CORO7: variants seen among roughly 807,000 people sequenced by gnomAD.
CORO7 encodes coronin-7.
CORO7 carries 107 observed loss-of-function variants against 126.6 expected under a neutral mutation model. The ratio of observed to expected loss-of-function variants is 0.85; its 90% CI spans 0.72 to 0.99. The LOEUF (loss-of-function observed/expected upper bound fraction) is 0.99, where lower values mean the gene tolerates loss of function less well. Ranked by LOEUF, CORO7 falls within the 50% of genes least tolerant of loss-of-function variation. CORO7 has a pLI of 0.00. For missense variants in CORO7, 1,314 were observed against 1,255.8 expected (o/e 1.05, Z -0.70); for synonymous variants, 603 against 536.8 (o/e 1.12, Z -1.70).
intron 9 of CORO7, among the ~76,000 whole-genome samples, chr16:4,378,208 G>A (rs747562739): frequency 1.8e-4 from 27 of 152,176 alleles, no homozygotes; most frequent in Non-Finnish European, 2.8e-4. Context: ...TGAAGAAACC[G>A]AGGTGTGAGA....
chr16:4,397,207 G>C (rs2055627218), intron 6 of CORO7: 1 of 151,924 alleles, frequency 6.6e-6, no homozygotes, highest in African/African-American at 2.4e-5. Context: ...ACTCAGGGAG[G>C]CTGAAGCGGC....
chr16:4,390,655 G>A (rs1242884661), intron 7 of CORO7, among the ~76,000 whole-genome samples: 3 of 152,188 alleles, frequency 2.0e-5, no homozygotes, highest in African/African-American at 7.2e-5. Context: ...TCACCTAGGG[G>A]CACAGGCTAA....
chr16:4,359,051 C>T (rs1477688064), intron 23 of CORO7: 4 of 557,736 alleles, frequency 7.2e-6, no homozygotes. Context: ...TGTTGGGATT[C>T]CAGGCCACCG....
chr16:4,371,025 C>T (rs945034855), intron 9 of CORO7, among the ~76,000 whole-genome samples: 6 of 152,166 alleles, frequency 3.9e-5, no homozygotes, highest in East Asian at 1.9e-4. Context: ...TGGACTAGTC[C>T]GGCCCCTGGC....
Position 4,359,287 on chromosome 16 carries a change from T to G in CORO7, c.2340+9A>C. On this transcript the variant is annotated intron_variant, in intron 23 of 27. Coordinates refer to ENST00000251166, the MANE Select transcript of CORO7 (RefSeq NM_024535.5). ...TCCCATCGGGGACGAGGCGCCAGGG[T>G]GGCCTCACCTTGTGGGGGTCAGGCG... is the stretch of plus-strand genomic sequence containing the variant. 4.4e-6 allele frequency: 7 copies of G among 1,594,886 alleles called. No individual in the cohort carries two copies. The South Asian group carries it at 8.0e-5, about 18-fold the overall frequency.
At chr16:4,359,063 A>T (rs1185091396) in intron 23 of CORO7, 1 of 578,870 alleles carries the variant, frequency 1.7e-6, no homozygotes, top group African/African-American at 1.9e-5. Context: ...AGGCCACCGT[A>T]CCCGGCCTAC....
intron 9 of CORO7, among the ~76,000 whole-genome samples, chr16:4,367,383 A>C (rs899478313): frequency 1.6e-4 from 25 of 152,194 alleles, no homozygotes; most frequent in Non-Finnish European, 2.9e-4. Flanking sequence ...TCACTCATTC[A>C]TTCGTTCACA....
chr16:4,408,320 G>C, intron 3 of CORO7, 69 bp from the exon 4 acceptor site: 1 of 1,605,620 alleles, frequency 6.2e-7, no homozygotes. Flanking sequence ...CAAAGCCCAG[G>C]GCTTCCGAGG....
chr16:4,363,750 G>A (rs1000819037), intron 14 of CORO7, among the ~76,000 whole-genome samples: 4 of 151,424 alleles, frequency 2.6e-5, no homozygotes, highest in South Asian at 2.1e-4. Context: ...CAGGTGCAGT[G>A]GCTCATGATT....
At chr16:4,358,315 TC>T in intron 24 of CORO7, 51 bp downstream of exon 24, 4 of 1,595,802 alleles carry the variant, frequency 2.5e-6, no homozygotes, top group Non-Finnish European at 3.4e-6. Context: ...CAAACTCCCC[TC>T]TAGGCACCGA....
At chr16:4,413,530 CT>C in intron 1 of CORO7, 126 bp from the exon 2 acceptor site, 1 of 801,324 alleles carries the variant, frequency 1.2e-6, no homozygotes, top group Non-Finnish European at 1.9e-6. Flanking sequence ...GAGATGCATT[CT>C]TTTATTTACT....
At chr16:4,413,548 T>C (rs766616900) in intron 1 of CORO7, 144 bp from the exon 2 acceptor site, 1 of 753,942 alleles carries the variant, frequency 1.3e-6, no homozygotes, top group Non-Finnish European at 2.0e-6. Context: ...TACTTTTTTT[T>C]TCTTTTTGAG....
Position 4,357,193 on chromosome 16 carries a change from T to C in CORO7, c.2660A>G (p.Lys887Arg), listed in dbSNP as rs1189569631. 2 of 1,613,666 alleles carry C rather than the reference T, an allele frequency of 1.2e-6. No individual in the cohort carries two copies. Among genetic ancestry groups the C allele is most frequent in the South Asian group, 2.2e-5 (2 of 91,060 alleles). The change falls in exon 26 of 28, where the codon AAG (lysine) becomes AGG (arginine). Residue 887 changes from lysine to arginine, a missense_variant. Coordinates refer to ENST00000251166, the MANE Select transcript of CORO7 (RefSeq NM_024535.5). ...CTCCTCCTTCTTTTGCTGGTCAGAC[T>C]TTTCTTCCAGGTACTGCGCTGAGGA... ...APSSAQYLEE[K>R]SDQQKKEELL... is the part of the protein sequence containing the mutation.
rs769595679 is a variant in CORO7, at chr16:4,358,049, C to T, written c.2512G>A (p.Val838Met). The change falls in exon 25 of 28, where the codon GTG (valine) becomes ATG (methionine). Residue 838 changes from valine (V) to methionine (M), a missense_variant. Physicochemically the swap from Val to Met is conservative, Grantham distance 21. Transcript: ENST00000251166. ...TGCAGCCAGGCCTCGGCACTGAGCA[C>T]AGGCTCCCAGATCACAGCCGTGTCT... ...FPDTAVIWEP[V>M]LSAEAWLQGA... is the part of the protein sequence containing the mutation. The T allele has an allele frequency of 1.9e-6, 3 of 1,613,434 alleles. No individual in the cohort carries two copies. Among genetic ancestry groups the T allele is most frequent in the Non-Finnish European group, 2.5e-6 (3 of 1,179,720 alleles).
At chr16:4,398,559 G>A (rs1259865461) in intron 6 of CORO7, among the ~76,000 whole-genome samples, 4 of 151,960 alleles carry the variant, frequency 2.6e-5, no homozygotes, top group Non-Finnish European at 4.4e-5. Context: ...CCAGCTACTC[G>A]GGAGGCTGAG....
intron 1 of CORO7, 149 bp downstream of exon 1, chr16:4,416,310 G>C: frequency 1.7e-6 from 2 of 1,173,250 alleles, no homozygotes; most frequent in South Asian, 1.9e-5. Context: ...CCCGGACGCC[G>C]GGGCCCTGGC....
chr16:4,380,115 C>T (rs562488086), intron 9 of CORO7, among the ~76,000 whole-genome samples: 1 of 151,740 alleles, frequency 6.6e-6, no homozygotes, highest in Admixed American at 6.6e-5. Flanking sequence ...AGGCCTGGCA[C>T]TGCCCCTGGG....
Position 4,355,107 on chromosome 16 carries a change from G to A in CORO7, c.*51C>T, listed in dbSNP as rs1175092903. On this transcript the variant is annotated 3_prime_UTR_variant, in exon 28 of 28. Coordinates refer to ENST00000251166, the MANE Select transcript of CORO7 (RefSeq NM_024535.5). ...CCAGCTTGAGGATGAGCCGTGAGGT[G>A]TGCACTAGGAAGTGGCAGCACAGGT... is the stretch of plus-strand genomic sequence containing the variant. The A allele has an allele frequency of 1.1e-5, 16 of 1,471,668 alleles. No homozygotes were observed. Among genetic ancestry groups the A allele is most frequent in the Non-Finnish European group, 1.2e-5 (13 of 1,105,676 alleles). The allele number at this position is 1,471,668 out of a possible 1,614,324, so 91.2% of individuals were successfully genotyped here. A position where few individuals can be genotyped will look rare whatever the true frequency, so the allele number is the denominator to read the frequency against.
At chr16:4,366,317 C>A (rs1378872435) in intron 9 of CORO7, among the ~76,000 whole-genome samples, 1 of 152,156 alleles carries the variant, frequency 6.6e-6, no homozygotes, top group East Asian at 1.9e-4. Flanking sequence ...AGAGCCCCTG[C>A]CACTCTATGT....
Sources: allele counts gnomAD v4.1 joint callset (sites outside exome capture counted in the v4.1 genomes callset), GRCh38; gene constraint gnomAD v4.1.1; transcripts MANE v1.5; gene names NCBI Gene and HGNC (gene_info 2026-07-23, HGNC 2026-07-21).